Variants in SORCS1 observed in about 807,000 individuals in gnomAD.
The protein encoded by SORCS1 is VPS10 domain-containing receptor SorCS1.
Under a neutral mutation model 146.1 loss-of-function variants are expected in SORCS1, and 60 were observed. That is an observed-to-expected ratio of 0.41 (90% CI 0.33 to 0.51). The LOEUF is 0.51. Ranked by LOEUF, SORCS1 falls within the 20% of genes least tolerant of loss-of-function variation. The pLI is 0.21. For synonymous variants in SORCS1, 637 were observed against 584.0 expected (o/e 1.09, Z -1.31); for missense variants, 1,352 against 1,487.6 (o/e 0.91, Z 1.50).
At chr10:106,718,169 A>G (rs1855517333) in intron 6 of SORCS1, among the ~76,000 whole-genome samples, 1 of 152,218 alleles carries the variant, frequency 6.6e-6, no homozygotes, top group Non-Finnish European at 1.5e-5. Flanking sequence ...AGAATGTGAG[A>G]TGTGTTTGGG....
chr10:106,792,169 G>C (rs1356655493), intron 3 of SORCS1, among the ~76,000 whole-genome samples: 1 of 152,178 alleles, frequency 6.6e-6, no homozygotes, highest in Admixed American at 6.5e-5. Context: ...ACATAGACAT[G>C]GGTGATCCCA....
intron 1 of SORCS1, among the ~76,000 whole-genome samples, chr10:107,149,029 C>T (rs1968556063): frequency 6.6e-6 from 1 of 152,194 alleles, no homozygotes. Flanking sequence ...AACATCATCT[C>T]AAACAGCAGT....
At chr10:106,948,156 G>T (rs1954457463) in intron 2 of SORCS1, among the ~76,000 whole-genome samples, 1 of 151,678 alleles carries the variant, frequency 6.6e-6, no homozygotes. Context: ...TAGACCTATG[G>T]TATGTATATA....
intron 1 of SORCS1, among the ~76,000 whole-genome samples, chr10:107,105,094 A>G (rs537751792): frequency 6.6e-6 from 1 of 152,344 alleles, no homozygotes; most frequent in Admixed American, 6.5e-5. Flanking sequence ...ATAATACTCA[A>G]ACAGTTAACA....
intron 1 of SORCS1, among the ~76,000 whole-genome samples, chr10:107,063,297 T>A (rs1477499737): frequency 6.6e-6 from 1 of 152,204 alleles, no homozygotes; most frequent in African/African-American, 2.4e-5. Flanking sequence ...AAATAGGTAG[T>A]CATTTTAAAA....
At chr10:106,793,432 G>C (rs1158780743) in intron 3 of SORCS1, among the ~76,000 whole-genome samples, 5 of 152,152 alleles carry the variant, frequency 3.3e-5, no homozygotes, top group Non-Finnish European at 5.9e-5. Flanking sequence ...AAGCGATTTT[G>C]ACTAAAGCAA....
At chr10:107,040,952 T>C (rs1423791545) in intron 1 of SORCS1, among the ~76,000 whole-genome samples, 3 of 152,212 alleles carry the variant, frequency 2.0e-5, no homozygotes, top group Non-Finnish European at 4.4e-5. Context: ...GCTGTTAATA[T>C]AATACTTGTT....
At position 106,824,989 on chromosome 10, in the gene SORCS1, C is replaced by T. The variant is rs192688353; in HGVS notation, c.726+4585G>A. Among the ~76,000 whole-genome samples, 14 of 152,224 alleles carry T rather than the reference C, an allele frequency of 9.2e-5. 1 individual carries two copies. Among genetic ancestry groups the T allele is most frequent in the African/African-American group, 3.1e-4 (13 of 41,550 alleles). ...TTCTTTGCTAGATAGTGTGCTGAGA[C>T]CACAAGGATAAAACAACTAAAAGAA... On this transcript the variant is annotated intron_variant, in intron 3 of 25. Transcript: ENST00000263054.
chr10:107,079,591 T>C (rs1325183537), intron 1 of SORCS1, among the ~76,000 whole-genome samples: 3 of 152,210 alleles, frequency 2.0e-5, no homozygotes, highest in African/African-American at 7.2e-5. Flanking sequence ...ACAGAAAGGC[T>C]GCTAGAGGCT....
intron 25 of SORCS1, chr10:106,578,679 C>A: frequency 9.9e-7 from 1 of 1,013,424 alleles, no homozygotes; most frequent in Non-Finnish European, 1.2e-6. Context: ...CCAGTTGAGG[C>A]TACCATGTTT....
chr10:107,069,992 G>A (rs1962276820), intron 1 of SORCS1, among the ~76,000 whole-genome samples: 1 of 152,044 alleles, frequency 6.6e-6, no homozygotes, highest in Non-Finnish European at 1.5e-5. Context: ...TAATTCCCCA[G>A]CCCCTGAAAA....
chr10:106,635,093 C>G (rs571344813), intron 18 of SORCS1, among the ~76,000 whole-genome samples: 35 of 152,254 alleles, frequency 2.3e-4, no homozygotes, highest in Admixed American at 3.9e-4. Flanking sequence ...ATCAAATGGC[C>G]ACCAGGAAGC....
chr10:106,841,139 C>A (rs1301739676), intron 2 of SORCS1, among the ~76,000 whole-genome samples: 3 of 152,002 alleles, frequency 2.0e-5, no homozygotes, highest in Non-Finnish European at 4.4e-5. Context: ...CAGGCATGAG[C>A]CACCCTGCCC....
intron 2 of SORCS1, among the ~76,000 whole-genome samples, chr10:106,883,417 A>AT (rs11396800): frequency 0.43 from 62,037 of 143,958 alleles, 13,301 homozygotes; most frequent in East Asian, 0.46. Flanking sequence ...TAGCAAATGT[A>AT]TTTTTTTTTT....
Position 107,151,198 on chromosome 10 carries a change from A to T in SORCS1, c.558+12771T>A, listed in dbSNP as rs1968768993. 3.3e-5 allele frequency among the ~76,000 whole-genome samples: 5 copies of T among 152,218 alleles called. No individual in the cohort carries two copies. The South Asian group carries it at 1.0e-3, about 32-fold the overall frequency. On this transcript the variant is annotated intron_variant, in intron 1 of 25. Coordinates refer to ENST00000263054, the MANE Select transcript of SORCS1 (RefSeq NM_052918.5). ...AGCTTCCTAGAGAATTGGAGGGCTC[A>T]GAGACAGGATGGTGTGGGAAAATTT... is the stretch of plus-strand genomic sequence containing the variant.
intron 1 of SORCS1, among the ~76,000 whole-genome samples, chr10:107,014,306 A>G (rs142364535): frequency 2.8e-4 from 42 of 151,494 alleles, no homozygotes; most frequent in African/African-American, 7.5e-4. Flanking sequence ...GAGAGAGAGA[A>G]AGAAACAAAA....
At chr10:106,949,205 G>A (rs1424416170) in intron 2 of SORCS1, among the ~76,000 whole-genome samples, 1 of 152,132 alleles carries the variant, frequency 6.6e-6, no homozygotes, top group African/African-American at 2.4e-5. Context: ...GGATTCTCTT[G>A]CCTGGAAGTT....
In SORCS1 at chr10:106,977,813, G is replaced by A. The variant is rs369001088; in HGVS notation, c.559-21233C>T. Among the ~76,000 whole-genome samples the A allele has an allele frequency of 7.2e-5, 11 of 152,180 alleles. No homozygotes were observed. In the East Asian group the frequency reaches 7.7e-4, roughly 11 times the overall value. ...CAACCTTGACACATAGTACGGCTTC[G>A]ATAAATAATTTGTTTAGTCCAAATC... is the stretch of plus-strand genomic sequence containing the variant. On this transcript the variant is annotated intron_variant, in intron 1 of 25. Coordinates refer to ENST00000263054, the MANE Select transcript of SORCS1 (RefSeq NM_052918.5).
At chr10:106,759,551 A>C (rs7893343) in intron 5 of SORCS1, among the ~76,000 whole-genome samples, 149,305 of 152,280 alleles carry the variant, frequency 0.98, 73,205 homozygotes, top group East Asian at 1. Flanking sequence ...ATGTTCTGTG[A>C]TTTGTTCTTA....
Sources: gnomAD v4.1 joint callset for allele counts (sites outside exome capture counted in the v4.1 genomes callset) on GRCh38, gnomAD v4.1.1 for gene constraint, MANE v1.5 for transcripts, NCBI Gene and HGNC (gene_info 2026-07-23, HGNC 2026-07-21) for gene names.